The following MIPEP variants were observed in gnomAD, a reference collection of about 807,000 sequenced individuals.
MIPEP encodes the protein mitochondrial intermediate peptidase.
In MIPEP, 79 loss-of-function variants were observed where a neutral mutation model predicts 90.3. The ratio of observed to expected loss-of-function variants is 0.87; its 90% CI spans 0.73 to 1.05. The LOEUF (loss-of-function observed/expected upper bound fraction) is 1.05. MIPEP is among the 50% of genes least tolerant of loss of function. MIPEP has a pLI of 0.00. For missense variants in MIPEP, 940 were observed against 905.6 expected (o/e 1.04, Z -0.49); for synonymous variants, 334 against 315.8 (o/e 1.06, Z -0.61).
At chr13:23,753,361 C>T (rs1043638949) in intron 18 of MIPEP, among the ~76,000 whole-genome samples, 5 of 152,298 alleles carry the variant, frequency 3.3e-5, no homozygotes, top group African/African-American at 1.2e-4. Flanking sequence ...GAGTCACTGA[C>T]TGCAAATCCA....
At chr13:23,739,466 GCTTCTT>G (rs1952302598) in intron 18 of MIPEP, among the ~76,000 whole-genome samples, 1 of 152,204 alleles carries the variant, frequency 6.6e-6, no homozygotes, top group African/African-American at 2.4e-5. Context: ...CACCTAAGAA[GCTTCTT>G]TCATTCTGAC....
At chr13:23,791,162 G>A (rs1304428762) in intron 16 of MIPEP, among the ~76,000 whole-genome samples, 1 of 152,084 alleles carries the variant, frequency 6.6e-6, no homozygotes, top group Non-Finnish European at 1.5e-5. Context: ...CAGTTGCTCT[G>A]AATAACCCTC....
chr13:23,732,784 A>G (rs1293752479), intron 18 of MIPEP, among the ~76,000 whole-genome samples: 1 of 152,218 alleles, frequency 6.6e-6, no homozygotes, highest in African/African-American at 2.4e-5. Context: ...TCAACTGAGA[A>G]GGGGCAGGAG....
intron 18 of MIPEP, 41 bp from the exon 19 acceptor site, chr13:23,730,486 G>A (rs774262735): frequency 3.1e-6 from 4 of 1,295,638 alleles, no homozygotes; most frequent in Non-Finnish European, 4.5e-6. Flanking sequence ...TCACCAGGAG[G>A]CAACAGGAAG....
chr13:23,870,288 A>G (rs1056165110), intron 5 of MIPEP, 93 bp from the exon 6 acceptor site: 9 of 739,244 alleles, frequency 1.2e-5, no homozygotes, highest in Non-Finnish European at 1.4e-5. Flanking sequence ...AAATCAACAT[A>G]TATATTGTTG....
intron 3 of MIPEP, 111 bp from the exon 4 acceptor site, chr13:23,879,465 C>T: frequency 1.6e-6 from 1 of 633,790 alleles, no homozygotes; most frequent in Non-Finnish European, 2.8e-6. Flanking sequence ...AGAAGCTGAA[C>T]AGCATAACCT....
chr13:23,827,417 G>A (rs1292655211), intron 14 of MIPEP, among the ~76,000 whole-genome samples: 3 of 152,098 alleles, frequency 2.0e-5, no homozygotes, highest in African/African-American at 7.2e-5. Context: ...GACTAGTAAG[G>A]ATTCAGTCAT....
At chr13:23,808,371 T>G (rs1295525341) in intron 15 of MIPEP, among the ~76,000 whole-genome samples, 3 of 152,144 alleles carry the variant, frequency 2.0e-5, no homozygotes, top group Non-Finnish European at 4.4e-5. Flanking sequence ...CGTGCTGGGA[T>G]TATAAGTGTG....
At chr13:23,871,094 TAAG>T (rs1870784764) in intron 5 of MIPEP, among the ~76,000 whole-genome samples, 1 of 152,208 alleles carries the variant, frequency 6.6e-6, no homozygotes, top group African/African-American at 2.4e-5. Context: ...CAGTGAAGTC[TAAG>T]AAGCAGACTG....
intron 18 of MIPEP, among the ~76,000 whole-genome samples, chr13:23,735,139 G>A (rs1467226406): frequency 6.6e-6 from 1 of 152,124 alleles, no homozygotes; most frequent in Non-Finnish European, 1.5e-5. Flanking sequence ...TTTCCTGCGG[G>A]CTACGTGAAT....
intron 16 of MIPEP, among the ~76,000 whole-genome samples, chr13:23,794,014 AC>A: frequency 6.6e-6 from 1 of 152,218 alleles, no homozygotes; most frequent in Middle Eastern, 3.4e-3. Flanking sequence ...TTTAGAAAAG[AC>A]CTCACTAATG....
chr13:23,797,078 A>T (rs4770495), intron 16 of MIPEP, among the ~76,000 whole-genome samples: 150,917 of 152,278 alleles, frequency 0.99, 74,810 homozygotes, highest in East Asian at 1. Context: ...AGAAAATGTT[A>T]AAAATTTTGG....
chr13:23,774,519 G>GT (rs1255322662), intron 16 of MIPEP, among the ~76,000 whole-genome samples: 4 of 152,254 alleles, frequency 2.6e-5, no homozygotes, highest in African/African-American at 4.8e-5. Flanking sequence ...TTTAACAATA[G>GT]TAAGTCTTAC....
intron 14 of MIPEP, among the ~76,000 whole-genome samples, chr13:23,835,073 T>G (rs1868972866): frequency 6.8e-6 from 1 of 147,020 alleles, no homozygotes; most frequent in African/African-American, 2.5e-5. Context: ...CAGACTGGAG[T>G]GCAGTGGCGC....
At chr13:23,885,645 A>G (rs1335644656) in intron 2 of MIPEP, among the ~76,000 whole-genome samples, 1 of 152,018 alleles carries the variant, frequency 6.6e-6, no homozygotes, top group African/African-American at 2.4e-5. Context: ...TAGTTGCTGA[A>G]GAGATCTAGG....
chr13:23,732,757 G>A (rs1346345142), intron 18 of MIPEP, among the ~76,000 whole-genome samples: 2 of 152,184 alleles, frequency 1.3e-5, no homozygotes, highest in Non-Finnish European at 2.9e-5. Flanking sequence ...GGTTGCTTTC[G>A]GGAGTGGATA....
At chr13:23,836,614 G>A (rs900321508) in intron 13 of MIPEP, among the ~76,000 whole-genome samples, 1 of 152,118 alleles carries the variant, frequency 6.6e-6, no homozygotes, top group African/African-American at 2.4e-5. Context: ...CACACCTTTT[G>A]CAAACAAACC....
intron 14 of MIPEP, among the ~76,000 whole-genome samples, chr13:23,829,040 A>G (rs1487016720): frequency 6.6e-6 from 1 of 152,224 alleles, no homozygotes; most frequent in East Asian, 1.9e-4. Context: ...CAAACTGACA[A>G]TTGCATGTAC....
At chr13:23,800,487 G>T (rs186391318) in intron 16 of MIPEP, among the ~76,000 whole-genome samples, 3 of 152,284 alleles carry the variant, frequency 2.0e-5, no homozygotes, top group African/African-American at 7.2e-5. Flanking sequence ...GAGCCTGTTG[G>T]TATATGTTGT....
Sources: allele counts gnomAD v4.1 joint callset (sites outside exome capture counted in the v4.1 genomes callset), GRCh38; gene constraint gnomAD v4.1.1; transcripts MANE v1.5; gene names NCBI Gene and HGNC (gene_info 2026-07-23, HGNC 2026-07-21).